Variants in ATP2B2 observed in about 807,000 individuals in gnomAD.
The protein encoded by ATP2B2 is plasma membrane calcium-transporting ATPase 2.
In ATP2B2, 15 loss-of-function variants were observed where a neutral mutation model predicts 120.0. That is an observed-to-expected ratio of 0.12 (90% CI 0.08 to 0.19). The LOEUF is 0.19. ATP2B2 is among the 10% of genes least tolerant of loss of function. The pLI is 1.00. For synonymous variants in ATP2B2, 694 were observed against 700.3 expected (o/e 0.99, Z 0.14); for missense variants, 1,045 against 1,719.8 (o/e 0.61, Z 6.94).
chr3:10,375,078 T>C lies in ATP2B2; in HGVS notation c.1416+352A>G, dbSNP rs2061345058. 6.6e-6 allele frequency among the ~76,000 whole-genome samples: 1 copy of C among 152,180 alleles called. No individual in the cohort carries two copies. Among genetic ancestry groups the C allele is most frequent in the Non-Finnish European group, 1.5e-5 (1 of 68,038 alleles). ...TTTTTTAAAATTTTTGAGTTGATTA[T>C]CAATGTCTAAAAATCACGAGAGTCT... On this transcript the variant is annotated intron_variant, in intron 11 of 22. Transcript: ENST00000360273. The surrounding 1 kb of genome is among the most constrained non-coding windows in gnomAD (Gnocchi z 4.2).
At chr3:10,613,819 T>G (rs991560) in intron 2 of ATP2B2, among the ~76,000 whole-genome samples, 143,913 of 151,664 alleles carry the variant, frequency 0.95, 68,361 homozygotes, top group African/African-American at 0.98. Flanking sequence ...ACCCTCGAGT[T>G]CCCCACCTCC....
chr3:10,416,309 C>T (rs1022104950), intron 2 of ATP2B2, among the ~76,000 whole-genome samples: 4 of 151,524 alleles, frequency 2.6e-5, no homozygotes, highest in South Asian at 2.1e-4. Context: ...GTCCTGGATA[C>T]AAACTGGGCT....
intron 1 of ATP2B2, among the ~76,000 whole-genome samples, chr3:10,653,795 C>T (rs1029928353): frequency 2.6e-5 from 4 of 152,150 alleles, no homozygotes; most frequent in East Asian, 3.9e-4. Context: ...CTATAGCCTA[C>T]GATATCCTCC....
intron 3 of ATP2B2, among the ~76,000 whole-genome samples, chr3:10,524,945 G>A (rs976617464): frequency 6.6e-6 from 1 of 152,182 alleles, no homozygotes; most frequent in Admixed American, 6.5e-5. Flanking sequence ...AACACCTTGT[G>A]CTCATGCCAC....
At position 10,340,865 on chromosome 3, in the gene ATP2B2, G is replaced by T. The variant is rs566509400; in HGVS notation, c.2918-161C>A. The stretch of plus-strand genomic sequence containing the variant: ...GGGGCCAGGGCTGTGCTGTCAGCTG[G>T]TCAGAGACTAGGACTGAAGGGTCAG... On this transcript the variant is annotated intron_variant, in intron 19 of 22. Transcript: ENST00000360273. The surrounding 1 kb of genome is among the most constrained non-coding windows in gnomAD (Gnocchi z 5.0). Among the ~76,000 whole-genome samples, 16 of 152,250 alleles carry T rather than the reference G, an allele frequency of 1.1e-4. No individual in the cohort carries two copies. Among genetic ancestry groups the T allele is most frequent in the African/African-American group, 3.6e-4 (15 of 41,532 alleles).
intron 1 of ATP2B2, among the ~76,000 whole-genome samples, chr3:10,459,708 G>C (rs1006311073): frequency 3.3e-5 from 5 of 152,244 alleles, no homozygotes; most frequent in Non-Finnish European, 7.3e-5. Context: ...AACAAAAAAT[G>C]ATAACAGCAA....
At chr3:10,637,803 A>T (rs2070064728) in intron 1 of ATP2B2, among the ~76,000 whole-genome samples, 1 of 152,192 alleles carries the variant, frequency 6.6e-6, no homozygotes, top group African/African-American at 2.4e-5. Flanking sequence ...AGCTCAAAGA[A>T]CCCCAAGCAC....
In ATP2B2 at chr3:10,328,588, C is replaced by G. The variant is rs1174791624; in HGVS notation, c.*226G>C. On this transcript the variant is annotated 3_prime_UTR_variant, in exon 23 of 23. Coordinates refer to ENST00000360273, the MANE Select transcript of ATP2B2 (RefSeq NM_001001331.4). Reference sequence around the variant, plus strand: ...GGAAAACCGCTCACTCCCGTAAGCCCCCAGTGGAGATCCCGCCCCTTGCCT... The same window carrying G: ...GGAAAACCGCTCACTCCCGTAAGCCGCCAGTGGAGATCCCGCCCCTTGCCT... 3.6e-5 allele frequency: 21 copies of G among 581,282 alleles called. No individual in the cohort carries two copies. The South Asian group carries it at 4.1e-4, about 11-fold the overall frequency. The allele number at this position is 581,282 out of a possible 1,614,324, so 36.0% of individuals were successfully genotyped here. A position where few individuals can be genotyped will look rare whatever the true frequency, so the allele number is the denominator to read the frequency against.
At chr3:10,460,385 G>A (rs540929008) in intron 1 of ATP2B2, among the ~76,000 whole-genome samples, 13 of 152,290 alleles carry the variant, frequency 8.5e-5, no homozygotes, top group Admixed American at 5.9e-4. Flanking sequence ...GACAACATGT[G>A]AAGGAGCTGT....
chr3:10,686,979 C>T (rs1160355943), intron 1 of ATP2B2, among the ~76,000 whole-genome samples: 1 of 152,186 alleles, frequency 6.6e-6, no homozygotes, highest in Non-Finnish European at 1.5e-5. Context: ...TAGAGAGGCA[C>T]AGTTGAGGGG....
intron 14 of ATP2B2, 128 bp from the exon 15 acceptor site, chr3:10,350,705 G>T: frequency 1.0e-6 from 1 of 979,720 alleles, no homozygotes; most frequent in African/African-American, 1.6e-5. Flanking sequence ...ACTATGAGAT[G>T]CTGATGACGC....
At chr3:10,593,876 AC>A (rs1369092559) in intron 2 of ATP2B2, among the ~76,000 whole-genome samples, 3 of 114,022 alleles carry the variant, frequency 2.6e-5, no homozygotes, top group Non-Finnish European at 3.7e-5. Context: ...AAGAAAAAAA[AC>A]CAAACAACTC....
At chr3:10,688,452 G>A (rs1026070466) in intron 1 of ATP2B2, among the ~76,000 whole-genome samples, 1 of 152,194 alleles carries the variant, frequency 6.6e-6, no homozygotes, top group African/African-American at 2.4e-5. Flanking sequence ...CATTCAACAT[G>A]TTTCTTTGGG....
chr3:10,365,991 AAGC>A (rs533747930), intron 12 of ATP2B2, among the ~76,000 whole-genome samples: 107 of 151,904 alleles, frequency 7.0e-4, no homozygotes, highest in African/African-American at 2.3e-3. Context: ...AAAAAACCAA[AAGC>A]AAAACCCTTG....
upstream of ATP2B2, among the ~76,000 whole-genome samples, chr3:10,505,980 A>G (rs1246014134): frequency 1.3e-5 from 2 of 151,730 alleles, no homozygotes; most frequent in Non-Finnish European, 2.9e-5. Context: ...GGGTCCTGAG[A>G]GTGGTGGTGG....
At chr3:10,596,117 C>G (rs972302768) in intron 2 of ATP2B2, among the ~76,000 whole-genome samples, 2 of 152,180 alleles carry the variant, frequency 1.3e-5, no homozygotes, top group African/African-American at 4.8e-5. Flanking sequence ...AGCCTCTGTT[C>G]ACTAAACCAC....
intron 2 of ATP2B2, among the ~76,000 whole-genome samples, chr3:10,436,149 G>A (rs1488511205): frequency 1.3e-5 from 2 of 152,188 alleles, no homozygotes; most frequent in Non-Finnish European, 2.9e-5. Flanking sequence ...GAGAGCTGAT[G>A]GCTAAAATTT....
Position 10,576,840 on chromosome 3 carries a change from G to A in ATP2B2, c.-414-42707C>T, listed in dbSNP as rs144249868. Among the ~76,000 whole-genome samples the A allele has an allele frequency of 3.3e-3, 502 of 152,110 alleles. 7 individuals carry two copies. Among genetic ancestry groups the A allele is most frequent in the East Asian group, 0.027 (137 of 5,160 alleles). ...AGCACTTTGGGAGGCCAAGGTGGGC[G>A]GATCACAAGGTCAGGAATTCGAGAC... On this transcript the variant is annotated intron_variant, in intron 2 of 21. Coordinates refer to the ATP2B2 transcript ENST00000646379.
intron 14 of ATP2B2, among the ~76,000 whole-genome samples, chr3:10,353,974 T>C (rs2060645184): frequency 6.6e-6 from 1 of 152,150 alleles, no homozygotes; most frequent in Admixed American, 6.5e-5. Flanking sequence ...CCTTTTCCAA[T>C]TCCCTTTTCT....
Sources: allele counts gnomAD v4.1 joint callset (sites outside exome capture counted in the v4.1 genomes callset), GRCh38; gene constraint gnomAD v4.1.1; non-coding constraint Gnocchi (gnomAD v3.1); transcripts MANE v1.5; gene names NCBI Gene and HGNC (gene_info 2026-07-23, HGNC 2026-07-21).